PAK3: variants seen among roughly 807,000 people sequenced by gnomAD.
The protein encoded by PAK3 is serine/threonine-protein kinase PAK 3.
PAK3 carries 4 observed loss-of-function variants against 41.0 expected under a neutral mutation model. The observed-to-expected ratio is 0.10, with a 90% CI of 0.05 to 0.22. The LOEUF (loss-of-function observed/expected upper bound fraction) is 0.22. Ranked by LOEUF, PAK3 falls within the 10% of genes least tolerant of loss-of-function variation. The probability of loss-of-function intolerance (pLI) is 1.00; values close to 1 mark genes in which losing one functional copy is unlikely to be tolerated. For missense variants in PAK3, 205 were observed against 409.9 expected (o/e 0.50, Z 4.32); for synonymous variants, 146 against 139.6 (o/e 1.05, Z -0.32).
chrX:111,013,436 T>A (rs1351780626), intron 1 of PAK3, among the ~76,000 whole-genome samples: 1 of 110,757 alleles, frequency 9.0e-6, no homozygotes, highest in Non-Finnish European at 1.9e-5. Context: ...GCTTGAGTCT[T>A]ATTTGGCCTA....
intron 1 of PAK3, among the ~76,000 whole-genome samples, chrX:110,998,620 TTTATTAAC>T (rs2091787578): frequency 9.1e-6 from 1 of 110,156 alleles, no homozygotes; most frequent in Admixed American, 9.7e-5. Context: ...CAAAAGAGGG[TTTATTAAC>T]TTTTTTAGGT....
In PAK3 at chrX:111,091,081, G is replaced by A. The variant is rs184782371; in HGVS notation, c.-27-31996G>A. Among the ~76,000 whole-genome samples the A allele has an allele frequency of 2.7e-3, 301 of 111,966 alleles. 1 individual carries two copies. Among genetic ancestry groups the A allele is most frequent in the Non-Finnish European group, 4.2e-3 (226 of 53,267 alleles). On this transcript the variant is annotated intron_variant, in intron 1 of 14. Transcript: ENST00000425146. Reference sequence around the variant, plus strand: ...TGGAAGCAGGGCTAATTAAAACCAAGTCAGAGGAGAGGAACTTTCTAATTC... The same window carrying A: ...TGGAAGCAGGGCTAATTAAAACCAAATCAGAGGAGAGGAACTTTCTAATTC...
At chrX:111,211,220 A>G (rs1049877064) in intron 16 of PAK3, among the ~76,000 whole-genome samples, 1 of 110,220 alleles carries the variant, frequency 9.1e-6, no homozygotes, top group Non-Finnish European at 1.9e-5. Flanking sequence ...ACAGATGGAA[A>G]CTGGAACTGG....
chrX:111,064,091 A>G (rs2092681990), intron 1 of PAK3, among the ~76,000 whole-genome samples: 1 of 111,271 alleles, frequency 9.0e-6, no homozygotes, highest in South Asian at 3.9e-4. Context: ...GTTTACTAAT[A>G]TGAACATCAG....
chrX:111,004,124 T>C (rs2091888626), intron 1 of PAK3, among the ~76,000 whole-genome samples: 2 of 112,402 alleles, frequency 1.8e-5, no homozygotes, highest in African/African-American at 6.5e-5. Context: ...TAACAGGAAA[T>C]TTGTTTGGAG....
intron 4 of PAK3, among the ~76,000 whole-genome samples, chrX:111,117,110 G>C: frequency 8.9e-6 from 1 of 112,026 alleles, no homozygotes; most frequent in East Asian, 2.8e-4. Flanking sequence ...ACTGGCCAAC[G>C]AAACTTGTTG....
intron 1 of PAK3, among the ~76,000 whole-genome samples, chrX:111,081,556 G>A (rs1370130843): frequency 1.8e-5 from 2 of 110,114 alleles, no homozygotes; most frequent in African/African-American, 6.6e-5. Flanking sequence ...TGAAAAATGT[G>A]ACTGAATTTG....
intron 1 of PAK3, among the ~76,000 whole-genome samples, chrX:111,023,967 C>G (rs2092231654): frequency 9.0e-6 from 1 of 111,500 alleles, no homozygotes; most frequent in Admixed American, 9.5e-5. Flanking sequence ...AAGTCTTTGC[C>G]CATGCCTATG....
intron 1 of PAK3, among the ~76,000 whole-genome samples, chrX:111,016,707 A>G (rs1048275660): frequency 4.7e-5 from 4 of 85,658 alleles, no homozygotes; most frequent in Non-Finnish European, 6.6e-5. Flanking sequence ...CATATACTAC[A>G]TCAGTGCTAA....
intron 1 of PAK3, among the ~76,000 whole-genome samples, chrX:111,045,206 G>C (rs1471658795): frequency 8.9e-6 from 1 of 112,188 alleles, no homozygotes; most frequent in Non-Finnish European, 1.9e-5. Flanking sequence ...AATTGGAAAG[G>C]TGCCCAAAAT....
intron 1 of PAK3, among the ~76,000 whole-genome samples, chrX:111,023,605 C>T (rs770373891): frequency 1.8e-5 from 2 of 112,295 alleles, no homozygotes; most frequent in East Asian, 2.8e-4. Flanking sequence ...GAGATAGTAT[C>T]TCATTGTGGT....
Position 110,953,594 on chromosome X carries a change from C to T in PAK3, c.-28+8966C>T, listed in dbSNP as rs375951307. Among the ~76,000 whole-genome samples, 212 of 112,073 alleles carry T rather than the reference C, an allele frequency of 1.9e-3. 1 individual carries two copies. The highest frequency in any genetic ancestry group is 6.7e-3 in the African/African-American group (206 of 30,910). On this transcript the variant is annotated intron_variant, in intron 1 of 14. Coordinates refer to the PAK3 transcript ENST00000425146. ...ATTTGGGAGAAGACTGGAACACCCT[C>T]CAGAGGTAACTTTCAGGAGGCAAGA... is the stretch of plus-strand genomic sequence containing the variant.
chrX:111,184,191 C>T (rs2094487073), intron 11 of PAK3, among the ~76,000 whole-genome samples: 1 of 111,409 alleles, frequency 9.0e-6, no homozygotes, highest in African/African-American at 3.3e-5. Context: ...AAAGCATGTT[C>T]TTCCTACAGG....
chrX:111,144,712 CTT>C, intron 6 of PAK3: 1 of 339,946 alleles, frequency 2.9e-6, no homozygotes, highest in Middle Eastern at 5.9e-4. Flanking sequence ...GGTGATTACT[CTT>C]TGGCTAATTG....
chrX:111,058,244 G>T (rs1259583754), intron 1 of PAK3, among the ~76,000 whole-genome samples: 1 of 111,628 alleles, frequency 9.0e-6, no homozygotes, highest in Non-Finnish European at 1.9e-5. Flanking sequence ...TTAACATTTT[G>T]AAGAACAGTT....
At chrX:111,022,734 T>C (rs891726043) in intron 1 of PAK3, among the ~76,000 whole-genome samples, 1 of 111,326 alleles carries the variant, frequency 9.0e-6, no homozygotes, top group Non-Finnish European at 1.9e-5. Flanking sequence ...ACTTGAAAGA[T>C]ACAGAATGGC....
At chrX:111,200,031 T>C (rs2094662840) in intron 16 of PAK3, among the ~76,000 whole-genome samples, 1 of 111,164 alleles carries the variant, frequency 9.0e-6, no homozygotes, top group African/African-American at 3.3e-5. Context: ...AGATTCAAAT[T>C]CTACTCTCAA....
intron 16 of PAK3, among the ~76,000 whole-genome samples, chrX:111,197,527 C>T (rs866099443): frequency 9.0e-6 from 1 of 111,449 alleles, no homozygotes; most frequent in African/African-American, 3.3e-5. Flanking sequence ...GATTTATATT[C>T]CTTTGGGTAT....
chrX:111,182,249 T>A (rs2094469829), intron 11 of PAK3, among the ~76,000 whole-genome samples: 1 of 110,871 alleles, frequency 9.0e-6, no homozygotes, highest in Non-Finnish European at 1.9e-5. Context: ...TTATCTGGCC[T>A]TTCCAGGGAT....
Sources: allele counts gnomAD v4.1 joint callset (sites outside exome capture counted in the v4.1 genomes callset), GRCh38; gene constraint gnomAD v4.1.1; transcripts MANE v1.5; gene names NCBI Gene and HGNC (gene_info 2026-07-23, HGNC 2026-07-21).